The following HCRTR2 variants were observed in gnomAD, a reference collection of about 807,000 sequenced individuals.
HCRTR2 encodes the protein hypocretin receptor 2, also known as orexin receptor type 2.
In HCRTR2, 22 loss-of-function variants were observed where a neutral mutation model predicts 49.0. That is an observed-to-expected ratio of 0.45 (90% CI 0.32 to 0.64). The LOEUF is 0.64. HCRTR2 is among the 30% of genes least tolerant of loss of function. The probability of loss-of-function intolerance (pLI) is 0.04; values close to 1 mark genes in which losing one functional copy is unlikely to be tolerated. For missense variants in HCRTR2, 491 were observed against 559.4 expected (o/e 0.88, Z 1.23); for synonymous variants, 236 against 205.3 (o/e 1.15, Z -1.28).
chr6:55,131,622 A>G (rs1409908157), intron 1 of HCRTR2, among the ~76,000 whole-genome samples: 2 of 151,850 alleles, frequency 1.3e-5, no homozygotes, highest in East Asian at 1.9e-4. Flanking sequence ...AAAAAAGGCA[A>G]AAATTTTAAG....
intron 1 of HCRTR2, among the ~76,000 whole-genome samples, chr6:55,141,110 G>A (rs1264190294): frequency 6.6e-6 from 1 of 151,758 alleles, no homozygotes; most frequent in African/African-American, 2.4e-5. Context: ...CGATGTGGGT[G>A]GATCACGAGG....
At chr6:55,125,181 T>G (rs2127241129) in intron 1 of HCRTR2, among the ~76,000 whole-genome samples, 1 of 152,286 alleles carries the variant, frequency 6.6e-6, no homozygotes, top group African/African-American at 2.4e-5. Context: ...GTTTTACCCA[T>G]TAGTTGCTGC....
At chr6:55,136,088 G>C (rs1302680124) in intron 1 of HCRTR2, among the ~76,000 whole-genome samples, 1 of 152,108 alleles carries the variant, frequency 6.6e-6, no homozygotes, top group Non-Finnish European at 1.5e-5. Context: ...CTAGATTAGG[G>C]AATAGGGTTT....
At chr6:55,259,102 C>A (rs1385937878) in intron 3 of HCRTR2, among the ~76,000 whole-genome samples, 1 of 152,078 alleles carries the variant, frequency 6.6e-6, no homozygotes, top group Non-Finnish European at 1.5e-5. Flanking sequence ...GTTATATTTT[C>A]TTCACTATTC....
chr6:55,152,757 T>C (rs554979812), intron 1 of HCRTR2, among the ~76,000 whole-genome samples: 1 of 152,084 alleles, frequency 6.6e-6, no homozygotes, highest in African/African-American at 2.4e-5. Context: ...AGGCCTCACT[T>C]TCTAGTATCA....
intron 4 of HCRTR2, among the ~76,000 whole-genome samples, chr6:55,267,510 A>T (rs1018255669): frequency 1.3e-5 from 2 of 148,744 alleles, no homozygotes; most frequent in African/African-American, 5.0e-5. Context: ...TGACTCTTTC[A>T]TTTATCTGTC....
At position 55,120,352 on chromosome 6, in the gene HCRTR2, G is replaced by A. The variant is rs535596524; in HGVS notation, c.-378+13807G>A. On this transcript the variant is annotated intron_variant, in intron 1 of 7. Coordinates refer to the HCRTR2 transcript ENST00000615358. Reference sequence around the variant, plus strand: ...ATCTATAAATTACTTTGGGCAGTATGGCCATTTTCATGATATTGATTCTTC... The same window carrying A: ...ATCTATAAATTACTTTGGGCAGTATAGCCATTTTCATGATATTGATTCTTC... Among the ~76,000 whole-genome samples, 3 of 152,100 alleles carry A rather than the reference G, an allele frequency of 2.0e-5. No homozygotes were observed. In the East Asian group the frequency reaches 5.8e-4, roughly 29 times the overall value.
intron 1 of HCRTR2, among the ~76,000 whole-genome samples, chr6:55,112,664 A>G (rs1764064696): frequency 6.6e-6 from 1 of 152,050 alleles, no homozygotes; most frequent in Non-Finnish European, 1.5e-5. Context: ...ATGGAAAAAC[A>G]TCCCATGTTC....
chr6:55,248,975 T>G (rs935263201), intron 2 of HCRTR2, among the ~76,000 whole-genome samples, 158 bp downstream of exon 2: 12 of 152,132 alleles, frequency 7.9e-5, no homozygotes, highest in Non-Finnish European at 8.8e-5. Context: ...GAGAAATAAG[T>G]TAAGTTCTGG....
chr6:55,242,599 C>G (rs1309645724), intron 1 of HCRTR2, among the ~76,000 whole-genome samples: 1 of 152,200 alleles, frequency 6.6e-6, no homozygotes, highest in Admixed American at 6.5e-5. Flanking sequence ...CATATCCAAT[C>G]ACATCACAAT....
intron 2 of HCRTR2, among the ~76,000 whole-genome samples, chr6:55,250,157 T>C (rs1331117062): frequency 6.6e-6 from 1 of 152,102 alleles, no homozygotes; most frequent in South Asian, 2.1e-4. Flanking sequence ...GCTCCATGCA[T>C]ATATTATGTT....
intron 1 of HCRTR2, among the ~76,000 whole-genome samples, chr6:55,145,394 T>TTG (rs1764565061): frequency 1.5e-4 from 2 of 13,426 alleles, no homozygotes; most frequent in South Asian, 0.031. Context: ...ACATTCTTTG[T>TTG]TTTTTTTTTT....
At chr6:55,251,947 A>G (rs1363934792) in intron 2 of HCRTR2, among the ~76,000 whole-genome samples, 1 of 152,128 alleles carries the variant, frequency 6.6e-6, no homozygotes, top group Non-Finnish European at 1.5e-5. Context: ...ACTTGAGCTA[A>G]TATCAGAATC....
chr6:55,201,024 A>T (rs3122147), intron 1 of HCRTR2, among the ~76,000 whole-genome samples: 1 of 152,062 alleles, frequency 6.6e-6, no homozygotes, highest in Non-Finnish European at 1.5e-5. Flanking sequence ...GCTTGCTACC[A>T]TATTGCATAC....
intron 1 of HCRTR2, among the ~76,000 whole-genome samples, chr6:55,217,219 A>T (rs1765804240): frequency 6.6e-6 from 1 of 152,146 alleles, no homozygotes; most frequent in South Asian, 2.1e-4. Context: ...AGTCTTAAAA[A>T]TATGCAAAAT....
At chr6:55,219,112 T>C (rs1175191588) in intron 1 of HCRTR2, among the ~76,000 whole-genome samples, 1 of 152,168 alleles carries the variant, frequency 6.6e-6, no homozygotes, top group Non-Finnish European at 1.5e-5. Flanking sequence ...TGAGCCACCG[T>C]GCTCAGGACC....
At chr6:55,118,266 G>T (rs935861642) in intron 1 of HCRTR2, among the ~76,000 whole-genome samples, 11 of 151,908 alleles carry the variant, frequency 7.2e-5, no homozygotes, top group African/African-American at 2.7e-4. Context: ...ATTTCATGGT[G>T]TATATGCACC....
intron 1 of HCRTR2, among the ~76,000 whole-genome samples, chr6:55,222,304 T>TAA (rs199660411): frequency 0.18 from 24,973 of 140,904 alleles, 2,564 homozygotes; most frequent in Non-Finnish European, 0.24. Context: ...GAAAGAGAAT[T>TAA]AAAAAAAAAA....
chr6:55,262,344 ATTATATATAAATATATAATGTATTATAG>A (rs1766774968), intron 3 of HCRTR2, among the ~76,000 whole-genome samples: 1 of 141,966 alleles, frequency 7.0e-6, no homozygotes, highest in Admixed American at 7.5e-5. Flanking sequence ...TATATATAAT[ATTATATATAAATATATAATGTATTATAG>A]TTATATATAA....
Sources: gnomAD v4.1 joint callset for allele counts (sites outside exome capture counted in the v4.1 genomes callset) on GRCh38, gnomAD v4.1.1 for gene constraint, MANE v1.5 for transcripts, NCBI Gene and HGNC (gene_info 2026-07-23, HGNC 2026-07-21) for gene names.